Variants in UNC5D observed in about 807,000 individuals in gnomAD.
UNC5D encodes the protein netrin receptor UNC5D.
UNC5D carries 39 observed loss-of-function variants against 105.4 expected under a neutral mutation model. The ratio of observed to expected loss-of-function variants is 0.37; its 90% CI spans 0.29 to 0.48. The LOEUF is 0.48. Among genes scored for constraint, UNC5D ranks in the 20% least tolerant of loss-of-function variants. UNC5D has a pLI of 0.98. For synonymous variants in UNC5D, 452 were observed against 450.4 expected, an observed-to-expected ratio of 1.00 and a Z score of -0.04; for missense variants, 991 against 1,202.4, an observed-to-expected ratio of 0.82 and a Z score of 2.60.
At chr8:35,303,935 G>A (rs1808149097) in intron 1 of UNC5D, among the ~76,000 whole-genome samples, 1 of 152,040 alleles carries the variant, frequency 6.6e-6, no homozygotes, top group Non-Finnish European at 1.5e-5. Context: ...GTTTATCCTT[G>A]TCATGGTGCT....
intron 4 of UNC5D, among the ~76,000 whole-genome samples, chr8:35,604,221 TCTTTTAGGGCAGGTCTGGTGGTG>T (rs1459015085): frequency 6.6e-6 from 1 of 152,200 alleles, no homozygotes; most frequent in Non-Finnish European, 1.5e-5. Context: ...ATTCAGGAGC[TCTTTTAGGGCAGGTCTGGTGGTG>T]ACAAAATCTC....
chr8:35,692,313 A>G (rs1195406266), intron 7 of UNC5D, among the ~76,000 whole-genome samples: 1 of 152,210 alleles, frequency 6.6e-6, no homozygotes, highest in African/African-American at 2.4e-5. Context: ...GAAAAGGTGA[A>G]CCTGTAATCA....
At chr8:35,782,847 A>G (rs1802565911) in intron 16 of UNC5D, among the ~76,000 whole-genome samples, 1 of 152,064 alleles carries the variant, frequency 6.6e-6, no homozygotes, top group Non-Finnish European at 1.5e-5. Flanking sequence ...TAAATTAAAA[A>G]CAGTGGCCAG....
At chr8:35,399,271 A>G (rs891509020) in intron 1 of UNC5D, among the ~76,000 whole-genome samples, 20 of 152,076 alleles carry the variant, frequency 1.3e-4, no homozygotes, top group African/African-American at 4.6e-4. Context: ...GAGCAAACCA[A>G]TAGACTCTTC....
At chr8:35,608,975 A>G (rs1820502383) in intron 4 of UNC5D, among the ~76,000 whole-genome samples, 1 of 152,184 alleles carries the variant, frequency 6.6e-6, no homozygotes, top group East Asian at 1.9e-4. Flanking sequence ...TCTTCAAGAA[A>G]TATCCAAACT....
chr8:35,380,099 C>CGGGGGGG (rs1802939276), intron 1 of UNC5D, among the ~76,000 whole-genome samples: 1 of 18,900 alleles, frequency 5.3e-5, no homozygotes, highest in Non-Finnish European at 1.1e-4. Context: ...GGGGGGGGGT[C>CGGGGGGG]GGGGAGAGAG....
intron 1 of UNC5D, among the ~76,000 whole-genome samples, chr8:35,424,324 C>T (rs1434785321): frequency 1.3e-5 from 2 of 152,100 alleles, no homozygotes; most frequent in African/African-American, 2.4e-5. Flanking sequence ...AACATATATG[C>T]AAAATATCAT....
chr8:35,449,602 A>C (rs1585868515), intron 1 of UNC5D, among the ~76,000 whole-genome samples: 1 of 152,244 alleles, frequency 6.6e-6, no homozygotes, highest in Admixed American at 6.5e-5. Flanking sequence ...CTTTTATTTT[A>C]TATGCTTGGG....
intron 1 of UNC5D, among the ~76,000 whole-genome samples, chr8:35,488,680 A>G (rs1157142250): frequency 6.6e-6 from 1 of 152,174 alleles, no homozygotes; most frequent in Non-Finnish European, 1.5e-5. Context: ...GACTTGTTTT[A>G]TATGATCATA....
intron 16 of UNC5D, among the ~76,000 whole-genome samples, chr8:35,783,483 G>A (rs1473539274): frequency 6.6e-6 from 1 of 152,090 alleles, no homozygotes; most frequent in Non-Finnish European, 1.5e-5. Context: ...TTGTTATCTG[G>A]AATTTTGAAT....
In UNC5D at chr8:35,750,717, C is replaced by A; in HGVS notation, c.2071C>A (p.Leu691Met). 6.2e-7 allele frequency: 1 copy of A among 1,614,150 alleles called. No individual in the cohort carries two copies. The highest frequency in any genetic ancestry group is 8.5e-7 in the Non-Finnish European group (1 of 1,180,030). Residue 691 changes from leucine to methionine, a missense_variant, in exon 13 of 17, where the codon CTG (leucine) becomes ATG (methionine). Transcript: ENST00000404895. ...AATCACAGACTGTGCCGTGAAGCAA[C>A]TGAAGGTGGCGGTTTTTGGCTGCAT... ...EPITDCAVKQ[L>M]KVAVFGCMSC...
At chr8:35,242,852 G>A (rs546538005) in intron 1 of UNC5D, among the ~76,000 whole-genome samples, 131 of 152,252 alleles carry the variant, frequency 8.6e-4, no homozygotes, top group Non-Finnish European at 1.6e-3. Context: ...GTAGTTTAGG[G>A]TTGCTTAGAA....
chr8:35,789,735 C>T (rs997889075), intron 16 of UNC5D, among the ~76,000 whole-genome samples: 4 of 152,010 alleles, frequency 2.6e-5, no homozygotes, highest in African/African-American at 9.7e-5. Flanking sequence ...TATAAGCCCA[C>T]TGAGGAAGGA....
chr8:35,462,335 A>G (rs1585897814), intron 1 of UNC5D, among the ~76,000 whole-genome samples: 1 of 152,276 alleles, frequency 6.6e-6, no homozygotes, highest in Middle Eastern at 3.4e-3. Flanking sequence ...AAATAGACTT[A>G]CCCACGTGCT....
chr8:35,376,072 T>C (rs1802684676), intron 1 of UNC5D, among the ~76,000 whole-genome samples: 1 of 152,180 alleles, frequency 6.6e-6, no homozygotes, highest in Non-Finnish European at 1.5e-5. Flanking sequence ...ATACAAAATC[T>C]TACCACTTTC....
At chr8:35,463,159 C>T (rs2129690374) in intron 1 of UNC5D, among the ~76,000 whole-genome samples, 1 of 152,230 alleles carries the variant, frequency 6.6e-6, no homozygotes, top group East Asian at 1.9e-4. Context: ...TTCCCACAAA[C>T]TAAAATCATG....
intron 1 of UNC5D, among the ~76,000 whole-genome samples, chr8:35,316,386 C>CTGAA (rs1363569260): frequency 1.3e-5 from 2 of 152,130 alleles, no homozygotes; most frequent in African/African-American, 4.8e-5. Flanking sequence ...AAGGGGCTTA[C>CTGAA]TGAATATATT....
chr8:35,646,862 G>C (rs1823085475), intron 4 of UNC5D, among the ~76,000 whole-genome samples: 1 of 152,092 alleles, frequency 6.6e-6, no homozygotes, highest in Non-Finnish European at 1.5e-5. Flanking sequence ...TATTTGCTTA[G>C]GTGAAAATGG....
chr8:35,237,568 T>C (rs1802552934), intron 1 of UNC5D, among the ~76,000 whole-genome samples: 1 of 152,122 alleles, frequency 6.6e-6, no homozygotes, highest in Non-Finnish European at 1.5e-5. Flanking sequence ...AGCAGCCTCT[T>C]GGATGGAGTT....
Sources: gnomAD v4.1 joint callset for allele counts (sites outside exome capture counted in the v4.1 genomes callset) on GRCh38, gnomAD v4.1.1 for gene constraint, MANE v1.5 for transcripts, NCBI Gene and HGNC (gene_info 2026-07-23, HGNC 2026-07-21) for gene names.